The following CAMTA2 variants were observed in gnomAD, a reference collection of about 807,000 sequenced individuals.
CAMTA2 encodes the protein calmodulin-binding transcription activator 2.
In CAMTA2, 56 loss-of-function variants were observed where a neutral mutation model predicts 135.7. The observed-to-expected ratio is 0.41, with a 90% confidence interval of 0.33 to 0.52. The LOEUF (loss-of-function observed/expected upper bound fraction) is 0.52. Among genes scored for constraint, CAMTA2 ranks in the 20% least tolerant of loss-of-function variants. The pLI, the probability that CAMTA2 is intolerant of heterozygous loss-of-function variation, is 0.16. For missense variants in CAMTA2, 1,358 were observed against 1,553.4 expected (o/e 0.87, Z 2.11); for synonymous variants, 591 against 604.6 (o/e 0.98, Z 0.33).
At chr17:4,982,713 G>A (rs765455257) in intron 5 of CAMTA2, 44 bp downstream of exon 5, 28 of 1,609,824 alleles carry the variant, frequency 1.7e-5, no homozygotes, top group South Asian at 1.1e-4. Flanking sequence ...AAGGGTGGAG[G>A]AGGGCAGGCT....
intron 1 of CAMTA2, chr17:4,986,791 C>T: frequency 3.3e-6 from 2 of 606,286 alleles, no homozygotes; most frequent in Non-Finnish European, 5.9e-6. Context: ...ATAACTGAAC[C>T]TAACCTATTC....
At position 4,973,603 on chromosome 17, in the gene CAMTA2, T is replaced by A; in HGVS notation, c.2183A>T (p.Glu728Val). 6.2e-7 allele frequency: 1 copy of A among 1,613,236 alleles called. No individual in the cohort carries two copies. The highest frequency in any genetic ancestry group is 8.5e-7 in the Non-Finnish European group (1 of 1,179,900). ...TGCTCACCGCCACTGGCTCAGGGTC[T>A]CGATGAGGCGGGCATAGCCCTGGGC... The part of the protein sequence containing the change: ...AAAQGYARLI[E>V]TLSQWRSVET... The change falls in exon 13 of 23, where the codon GAG (glutamate) becomes GTG (valine). Residue 728 changes from glutamate to valine, a missense_variant. Glu to Val is a moderately radical substitution (Grantham distance 121). Around this residue, in one of 4 missense-constraint regions of CAMTA2, gnomAD observed 1,077 missense variants for 1,127.5 expected, o/e 0.96. Coordinates refer to ENST00000348066, the MANE Select transcript of CAMTA2 (RefSeq NM_015099.4).
At chr17:4,974,688 C>T in intron 11 of CAMTA2, 188 bp from the exon 12 acceptor site, 2 of 548,336 alleles carry the variant, frequency 3.6e-6, no homozygotes, top group Non-Finnish European at 6.6e-6. Flanking sequence ...TAAACTAGGG[C>T]TGTTAATACT....
intron 10 of CAMTA2, among the ~76,000 whole-genome samples, chr17:4,978,285 G>A (rs1318822925): frequency 6.6e-6 from 1 of 152,214 alleles, no homozygotes; most frequent in African/African-American, 2.4e-5. Context: ...GTTAGCTAAG[G>A]AGTAGACTTC....
Position 4,969,365 on chromosome 17 carries a change from G to A in CAMTA2, c.3283-28C>T. On this transcript the variant is annotated intron_variant, in intron 20 of 22. Transcript: ENST00000348066. This position sits in a 1 kb window ranked among gnomAD's most constrained non-coding sequence, Gnocchi z 5.6. The stretch of plus-strand genomic sequence containing the variant: ...GCAGGGGTGGGGAGGAGGGACAGGG[G>A]CTGAAATAGAGGGACGGAGACCCAA... 6.2e-7 allele frequency: 1 copy of A among 1,612,330 alleles called. No homozygotes were observed.
At chr17:4,971,691 CTT>C (rs748274165) in intron 16 of CAMTA2, among the ~76,000 whole-genome samples, 12 of 131,872 alleles carry the variant, frequency 9.1e-5, no homozygotes, top group Admixed American at 1.6e-4. Flanking sequence ...ACTATTTTGT[CTT>C]TTTTTTTTTT....
intron 5 of CAMTA2, 25 bp from the exon 6 acceptor site, chr17:4,982,185 G>A: frequency 1.6e-6 from 1 of 635,202 alleles, no homozygotes; most frequent in Non-Finnish European, 2.9e-6. Flanking sequence ...GCTGGGGTGG[G>A]GGGAGGGCTA....
chr17:4,968,478 G>T lies in CAMTA2; in HGVS notation c.*278C>A. 1.8e-6 allele frequency: 1 copy of T among 559,894 alleles called. No homozygotes were observed. The allele number at this position is 559,894 out of a possible 1,614,324, so 34.7% of individuals were successfully genotyped here. The stretch of plus-strand genomic sequence containing the variant: ...GGGTGCAGGCAGGAGGAGCTGGGGA[G>T]CAGGGGCAGGCAGGGCTCCGGAGGT... On this transcript the variant is annotated 3_prime_UTR_variant, in exon 23 of 23. Coordinates refer to ENST00000348066, the MANE Select transcript of CAMTA2 (RefSeq NM_015099.4).
rs1018932529 is a variant in CAMTA2 at position 4,980,311 on chromosome 17, G to A, written c.1011C>T (p.Gly337=). 1.9e-6 allele frequency: 3 copies of A among 1,612,912 alleles called. No homozygotes were observed. Among genetic ancestry groups the A allele is most frequent in the Non-Finnish European group, 2.5e-6 (3 of 1,179,378 alleles). The stretch of plus-strand genomic sequence containing the variant: ...GAGCCAAGTGCCTGGTGGGCGTCAA[G>A]CCTCCAGCCCGCTGCTCCAGTCCTG... ...LLTGLEQRAG[G]LTPTRHLAPQ... The change falls in exon 9 of 23, where the codon GGC becomes GGT. Residue 337 remains glycine (G), a synonymous_variant. Coordinates refer to ENST00000348066, the MANE Select transcript of CAMTA2 (RefSeq NM_015099.4). This position sits in a 1 kb window ranked among gnomAD's most constrained non-coding sequence, Gnocchi z 5.3.
intron 10 of CAMTA2, among the ~76,000 whole-genome samples, chr17:4,978,184 C>A (rs1972734848): frequency 6.6e-6 from 1 of 152,204 alleles, no homozygotes; most frequent in Non-Finnish European, 1.5e-5. Flanking sequence ...AAAGCCTGGA[C>A]AGACATTAGA....
At position 4,979,921 on chromosome 17, in the gene CAMTA2, GGGAGGGGGTGAA is replaced by G; in HGVS notation, c.1389_1400del (p.Pro470_Pro473del). ...AGGGGGCAGGTGAGGGTGGGGGTGA[GGGAGGGGGTGAA>G]GGTATGGGTGGGGCAGCCCCGTGAC... is the stretch of plus-strand genomic sequence containing the variant. On this transcript the variant is annotated inframe_deletion, in exon 9 of 23. Coordinates refer to ENST00000348066, the MANE Select transcript of CAMTA2 (RefSeq NM_015099.4). 6.2e-7 allele frequency: 1 copy of G among 1,612,034 alleles called. No homozygotes were observed. Among genetic ancestry groups the G allele is most frequent in the East Asian group, 2.2e-5 (1 of 44,868 alleles).
chr17:4,973,972 C>A, intron 12 of CAMTA2: 1 of 581,924 alleles, frequency 1.7e-6, no homozygotes, highest in South Asian at 2.2e-5. Context: ...CCAGACCTCA[C>A]ACAATCTTGC....
intron 11 of CAMTA2, among the ~76,000 whole-genome samples, chr17:4,975,013 T>C (rs763214255): frequency 7.2e-5 from 11 of 152,216 alleles, no homozygotes; most frequent in South Asian, 6.2e-4. Context: ...ACAAAGACGA[T>C]GGTGGGGGAC....
Position 4,980,559 on chromosome 17 carries a change from C to G in CAMTA2, c.763G>C (p.Glu255Gln). ...GAGGTCAGGGTTAAAGCTCGGGGCT[C>G]CACTTTGGGAGAGATGATGCGGTGT... Reference protein sequence around the residue: ...TKHRIISPKVEPRALTLTSIP... With the variant: ...TKHRIISPKVQPRALTLTSIP... The change falls in exon 9 of 23, where the codon GAG becomes CAG. Residue 255 changes from glutamate to glutamine, a missense_variant. This residue lies in a region of CAMTA2 where 1,077 missense variants were observed against 1,127.5 expected (regional missense o/e 0.96). Coordinates refer to ENST00000348066, the MANE Select transcript of CAMTA2 (RefSeq NM_015099.4). This position sits in a 1 kb window ranked among gnomAD's most constrained non-coding sequence, Gnocchi z 5.3. The G allele has an allele frequency of 6.2e-7, 1 of 1,613,920 alleles. No individual in the cohort carries two copies. The highest frequency in any genetic ancestry group is 8.5e-7 in the Non-Finnish European group (1 of 1,179,942).
At chr17:4,981,963 C>T (rs1972986533) in intron 6 of CAMTA2, 126 bp downstream of exon 6, 3 of 1,264,616 alleles carry the variant, frequency 2.4e-6, no homozygotes, top group East Asian at 4.7e-5. Context: ...TCCCCAAGCC[C>T]CTTTCTCTTC....
intron 1 of CAMTA2, chr17:4,986,983 C>G: frequency 6.8e-7 from 1 of 1,472,128 alleles, no homozygotes; most frequent in East Asian, 2.7e-5. Context: ...CCAGCCTGAG[C>G]CCCCCGCCCT....
Position 4,968,836 on chromosome 17 carries a change from AG to A in CAMTA2, c.3546-18del. The A allele has an allele frequency of 6.2e-7, 1 of 1,612,788 alleles. No homozygotes were observed. The highest frequency in any genetic ancestry group is 8.5e-7 in the Non-Finnish European group (1 of 1,178,786). On this transcript the variant is annotated intron_variant, in intron 22 of 22. Transcript: ENST00000348066. ...TCCCTCATCCTGCAGAGAGAAAGAT[AG>A]GAGTCAGAGGAGACTGGCGGATCAC...
rs377357950 is a variant in CAMTA2, at chr17:4,981,758, A to T, written c.485T>A (p.Ile162Asn). Residue 162 changes from isoleucine to asparagine, a missense_variant, in exon 7 of 23, where the codon ATC becomes AAC. This residue lies in a region of CAMTA2 where 1,077 missense variants were observed against 1,127.5 expected (regional missense o/e 0.96). Transcript: ENST00000348066. ...LEDCGKGCSP[I>N]FCSISSDRRE... ...ACGGTCGCTGCTGATGGAACAAAAGATGGGGCTGCAGCCCTTTCCACAGTC... is the reference window on the plus strand; with the variant it reads ...ACGGTCGCTGCTGATGGAACAAAAGTTGGGGCTGCAGCCCTTTCCACAGTC... 1.2e-6 allele frequency: 2 copies of T among 1,613,616 alleles called. No individual in the cohort carries two copies. The highest frequency in any genetic ancestry group is 8.5e-7 in the Non-Finnish European group (1 of 1,179,760).
chr17:4,972,754 T>C lies in CAMTA2; in HGVS notation c.2503+15A>G, dbSNP rs1972373885. The stretch of plus-strand genomic sequence containing the variant: ...ACCTACATCCCTCTCTCCAAAAGAT[T>C]AGGGCCACCCTCACCAGTGTCTGGG... On this transcript the variant is annotated intron_variant, in intron 15 of 22. Coordinates refer to ENST00000348066, the MANE Select transcript of CAMTA2 (RefSeq NM_015099.4). The C allele has an allele frequency of 6.2e-7, 1 of 1,609,932 alleles. No individual in the cohort carries two copies. Among genetic ancestry groups the C allele is most frequent in the South Asian group, 1.1e-5 (1 of 90,998 alleles).
Sources: allele counts gnomAD v4.1 joint callset (sites outside exome capture counted in the v4.1 genomes callset), GRCh38; gene constraint gnomAD v4.1.1; regional missense constraint gnomAD v4.1.1; non-coding constraint Gnocchi (gnomAD v3.1); transcripts MANE v1.5; gene names NCBI Gene and HGNC (gene_info 2026-07-23, HGNC 2026-07-21).